Variants in SLC10A7 observed in about 807,000 individuals in gnomAD.
The protein encoded by SLC10A7 is sodium/bile acid cotransporter 7.
A neutral mutation model predicts 43.2 loss-of-function variants in SLC10A7; 29 were observed. That is an observed-to-expected ratio of 0.67 (90% CI 0.50 to 0.92). The LOEUF (loss-of-function observed/expected upper bound fraction) is 0.92. SLC10A7 is among the 40% of genes least tolerant of loss of function. The pLI, the probability that SLC10A7 is intolerant of heterozygous loss-of-function variation, is 0.00. For missense variants in SLC10A7, 295 were observed against 403.2 expected (o/e 0.73, Z 2.30); for synonymous variants, 152 against 144.8 (o/e 1.05, Z -0.35).
At chr4:146,261,550 G>A (rs530916282) in intron 10 of SLC10A7, among the ~76,000 whole-genome samples, 11 of 152,088 alleles carry the variant, frequency 7.2e-5, no homozygotes, top group African/African-American at 1.7e-4. Context: ...CTTTCCTGAC[G>A]GACCCTGGTT....
chr4:146,397,075 T>C (rs1738883477), intron 5 of SLC10A7, among the ~76,000 whole-genome samples: 1 of 152,176 alleles, frequency 6.6e-6, no homozygotes, highest in Non-Finnish European at 1.5e-5. Flanking sequence ...CCAGAAGTTT[T>C]TCTTTCAAAG....
chr4:146,510,107 A>G, intron 2 of SLC10A7, 58 bp from the exon 3 acceptor site: 2 of 1,509,120 alleles, frequency 1.3e-6, no homozygotes, highest in Non-Finnish European at 1.8e-6. Flanking sequence ...CTGAAAGGAG[A>G]TCCCTACTAA....
intron 5 of SLC10A7, among the ~76,000 whole-genome samples, chr4:146,342,038 C>A (rs1010298693): frequency 2.6e-5 from 4 of 151,716 alleles, no homozygotes; most frequent in African/African-American, 9.7e-5. Context: ...ACAGTATCCA[C>A]CCATTCCTCT....
intron 5 of SLC10A7, chr4:146,442,009 C>A: frequency 1.0e-6 from 1 of 979,700 alleles, no homozygotes; most frequent in Non-Finnish European, 1.2e-6. Flanking sequence ...CACTACATAT[C>A]TGCTAATGAG....
chr4:146,399,353 G>T (rs1739059524), intron 5 of SLC10A7, among the ~76,000 whole-genome samples: 1 of 151,838 alleles, frequency 6.6e-6, no homozygotes, highest in African/African-American at 2.4e-5. Flanking sequence ...TAACCTAAGG[G>T]CAATAGGAAG....
At chr4:146,395,155 G>T (rs1579077191) in intron 5 of SLC10A7, among the ~76,000 whole-genome samples, 1 of 152,070 alleles carries the variant, frequency 6.6e-6, no homozygotes, top group African/African-American at 2.4e-5. Context: ...GACTGCCTGA[G>T]AACAGGAGTT....
chr4:146,362,352 G>A (rs911670261), intron 5 of SLC10A7, among the ~76,000 whole-genome samples: 1 of 152,092 alleles, frequency 6.6e-6, no homozygotes, highest in Admixed American at 6.6e-5. Flanking sequence ...AAAACAGCAA[G>A]AGAAAAGAGG....
chr4:146,509,029 TTA>T (rs1579374074), intron 3 of SLC10A7, among the ~76,000 whole-genome samples: 2 of 152,310 alleles, frequency 1.3e-5, no homozygotes, highest in South Asian at 2.1e-4. Context: ...CCTTTGTACA[TTA>T]TGTTTCCTTT....
intron 5 of SLC10A7, among the ~76,000 whole-genome samples, chr4:146,439,937 C>G (rs1214558547): frequency 6.6e-6 from 1 of 152,102 alleles, no homozygotes; most frequent in African/African-American, 2.4e-5. Context: ...AATTTCACTC[C>G]TCTAAAATAA....
chr4:146,432,033 A>T (rs1483740654), intron 5 of SLC10A7, among the ~76,000 whole-genome samples: 1 of 152,226 alleles, frequency 6.6e-6, no homozygotes, highest in Non-Finnish European at 1.5e-5. Flanking sequence ...CACATAAAAA[A>T]TGTCCAACAT....
At chr4:146,308,777 T>C (rs1011649548) in intron 6 of SLC10A7, among the ~76,000 whole-genome samples, 4 of 152,190 alleles carry the variant, frequency 2.6e-5, no homozygotes, top group African/African-American at 9.6e-5. Flanking sequence ...CCTGGCTAAT[T>C]TCTTGCAGAA....
At chr4:146,333,736 A>T (rs1444296651) in intron 5 of SLC10A7, among the ~76,000 whole-genome samples, 2 of 152,060 alleles carry the variant, frequency 1.3e-5, no homozygotes, top group Non-Finnish European at 2.9e-5. Flanking sequence ...CTTCAAAGCA[A>T]GAGGAAGACA....
At chr4:146,356,683 A>G (rs1242676144) in intron 5 of SLC10A7, among the ~76,000 whole-genome samples, 2 of 151,734 alleles carry the variant, frequency 1.3e-5, no homozygotes, top group Admixed American at 6.6e-5. Flanking sequence ...GCTTTTGTCT[A>G]TTTACACAAG....
At chr4:146,326,917 GAC>G (rs71640636) in intron 5 of SLC10A7, among the ~76,000 whole-genome samples, 7,829 of 146,866 alleles carry the variant, frequency 0.053, 308 homozygotes, top group Middle Eastern at 0.14. Flanking sequence ...GAGAGGGACA[GAC>G]ACACACACAC....
chr4:146,439,155 T>C (rs901531276), intron 5 of SLC10A7, among the ~76,000 whole-genome samples: 6 of 152,058 alleles, frequency 3.9e-5, no homozygotes, highest in Non-Finnish European at 8.8e-5. Flanking sequence ...GTCTCAAATT[T>C]ATGTAAATTG....
At chr4:146,286,248 A>AG in intron 9 of SLC10A7, among the ~76,000 whole-genome samples, 1 of 15,718 alleles carries the variant, frequency 6.4e-5, no homozygotes, top group African/African-American at 4.1e-4. Flanking sequence ...GAGAAGGATC[A>AG]TGTTTGGAGT....
chr4:146,279,648 G>A (rs1729422103), intron 10 of SLC10A7, among the ~76,000 whole-genome samples: 1 of 152,092 alleles, frequency 6.6e-6, no homozygotes. Context: ...CAGCAAACAA[G>A]CCCTGTAGTA....
chr4:146,449,009 A>G (rs546458581), intron 4 of SLC10A7, among the ~76,000 whole-genome samples: 1 of 152,214 alleles, frequency 6.6e-6, no homozygotes, highest in Non-Finnish European at 1.5e-5. Flanking sequence ...TGATATCTAC[A>G]AATGAAGAAA....
rs1579349804 is a variant in SLC10A7, at chr4:146,500,833, A to G, written c.396+3016T>C. Among the ~76,000 whole-genome samples, 3 of 152,210 alleles carry G rather than the reference A, an allele frequency of 2.0e-5. 1 individual carries two copies. In the South Asian group the frequency reaches 6.2e-4, roughly 32 times the overall value. ...CCACCCCAAATAAGCTTTTATCCCA[A>G]TGCTCCACCAAAACCACTGTGGTCA... On this transcript the variant is annotated intron_variant, in intron 4 of 11. Coordinates refer to ENST00000335472, the MANE Select transcript of SLC10A7 (RefSeq NM_001029998.6).
Sources: gnomAD v4.1 joint callset for allele counts (sites outside exome capture counted in the v4.1 genomes callset) on GRCh38, gnomAD v4.1.1 for gene constraint, MANE v1.5 for transcripts, NCBI Gene and HGNC (gene_info 2026-07-23, HGNC 2026-07-21) for gene names.